The following EPS15 variants were observed in gnomAD, a reference collection of about 807,000 sequenced individuals.
EPS15 encodes epidermal growth factor receptor pathway substrate 15, also known as epidermal growth factor receptor substrate 15.
EPS15 carries 72 observed loss-of-function variants against 113.8 expected under a neutral mutation model. The ratio of observed to expected loss-of-function variants is 0.63; its 90% CI spans 0.52 to 0.77. The LOEUF is 0.77. EPS15 is among the 30% of genes least tolerant of loss of function. The pLI, the probability that EPS15 is intolerant of heterozygous loss-of-function variation, is 0.00. For synonymous variants in EPS15, 344 were observed against 363.4 expected, an observed-to-expected ratio of 0.95 and a Z score of 0.61; for missense variants, 1,048 against 1,045.8, an observed-to-expected ratio of 1.00 and a Z score of -0.03.
At chr1:51,397,580 A>G (rs989612986) in intron 20 of EPS15, among the ~76,000 whole-genome samples, 4 of 152,194 alleles carry the variant, frequency 2.6e-5, no homozygotes, top group East Asian at 1.9e-4. Flanking sequence ...ATGGGTCCAC[A>G]TTGCAAACTA....
chr1:51,518,946 G>A (rs1644785695), intron 1 of EPS15, among the ~76,000 whole-genome samples: 3 of 151,390 alleles, frequency 2.0e-5, no homozygotes, highest in Middle Eastern at 3.4e-3. Flanking sequence ...GCGGAGGGCG[G>A]CGAGGGCCGC....
chr1:51,515,922 T>G (rs1570466883), intron 1 of EPS15, among the ~76,000 whole-genome samples: 1 of 152,216 alleles, frequency 6.6e-6, no homozygotes, highest in East Asian at 1.9e-4. Context: ...ATTCCTGGCA[T>G]ATAGTAATTC....
intron 21 of EPS15, among the ~76,000 whole-genome samples, chr1:51,369,412 G>C (rs879443373): frequency 2.0e-5 from 3 of 152,154 alleles, no homozygotes; most frequent in Non-Finnish European, 4.4e-5. Flanking sequence ...AACCATGCAG[G>C]TGACTTTCTT....
intron 8 of EPS15, chr1:51,459,156 A>C (rs2148497039): frequency 6.6e-6 from 1 of 152,340 alleles, no homozygotes; most frequent in East Asian, 1.9e-4. Context: ...AATCTAAGGA[A>C]GGGCCAAAAA....
At chr1:51,402,180 A>G (rs1222839785) in intron 18 of EPS15, among the ~76,000 whole-genome samples, 1 of 150,654 alleles carries the variant, frequency 6.6e-6, no homozygotes, top group Non-Finnish European at 1.5e-5. Flanking sequence ...ACATACATAC[A>G]TACATACATA....
chr1:51,470,825 A>G (rs1186196565), intron 4 of EPS15, among the ~76,000 whole-genome samples: 1 of 152,160 alleles, frequency 6.6e-6, no homozygotes, highest in Non-Finnish European at 1.5e-5. Context: ...GACCACATCT[A>G]TCATGTTAAC....
chr1:51,468,398 T>C (rs1655003834), intron 5 of EPS15, 75 bp downstream of exon 5: 8 of 1,089,754 alleles, frequency 7.3e-6, no homozygotes, highest in South Asian at 1.3e-5. Flanking sequence ...TTTAATATAT[T>C]ACTTTTAATT....
chr1:51,388,735 C>A (rs547718038), intron 21 of EPS15, among the ~76,000 whole-genome samples: 2,928 of 152,252 alleles, frequency 0.019, 46 homozygotes, highest in Non-Finnish European at 0.031. Flanking sequence ...GGATAAATTC[C>A]TCGACACATA....
In EPS15 at chr1:51,361,273, G is replaced by T; in HGVS notation, c.2442C>A (p.Ser814Arg). The T allele has an allele frequency of 6.2e-7, 1 of 1,613,524 alleles. No individual in the cohort carries two copies. Among genetic ancestry groups the T allele is most frequent in the East Asian group, 2.2e-5 (1 of 44,870 alleles). ...DPFQPFPGND[S>R]PKEKDPEIFC... ...ATATTTCAGGATCTTTTTCTTTGGGGCTATCGTTGCCTGGGAAAGGCTGAA... is the reference window on the plus strand; with the variant it reads ...ATATTTCAGGATCTTTTTCTTTGGGTCTATCGTTGCCTGGGAAAGGCTGAA... Residue 814 changes from serine to arginine, a missense_variant, in exon 24 of 25, where the codon AGC (serine) becomes AGA (arginine). Transcript: ENST00000371733.
chr1:51,482,529 C>T (rs915674647), intron 1 of EPS15, among the ~76,000 whole-genome samples: 1 of 152,108 alleles, frequency 6.6e-6, no homozygotes, highest in East Asian at 1.9e-4. Context: ...TGGCGTGGCA[C>T]GATCTAGGCT....
At chr1:51,428,418 T>A (rs537878028) in intron 12 of EPS15, among the ~76,000 whole-genome samples, 1 of 152,274 alleles carries the variant, frequency 6.6e-6, no homozygotes, top group Admixed American at 6.5e-5. Context: ...GACAAATGCA[T>A]AAAAAAGAAT....
Position 51,357,426 on chromosome 1 carries a change from ATTTTTT to A in EPS15, c.2545-586_2545-581del, listed in dbSNP as rs570842498. Among the ~76,000 whole-genome samples, 21 of 53,532 alleles carry A rather than the reference ATTTTTT, an allele frequency of 3.9e-4. 1 individual carries two copies. Among genetic ancestry groups the A allele is most frequent in the African/African-American group, 1.3e-3 (14 of 10,372 alleles). 35.1% of individuals were successfully genotyped at this position (53,532 alleles called of 152,430 possible). On this transcript the variant is annotated intron_variant, in intron 24 of 24. Transcript: ENST00000371733. ...TATATATATATATATATATATATATATTTTTTTTTTTTAAATGTGATATATATATAT... is the reference window on the plus strand; with the variant it reads ...TATATATATATATATATATATATATATTTTTTAAATGTGATATATATATAT...
chr1:51,427,377 G>A (rs903111660), intron 12 of EPS15, among the ~76,000 whole-genome samples: 2 of 152,150 alleles, frequency 1.3e-5, no homozygotes, highest in Non-Finnish European at 2.9e-5. Flanking sequence ...TACTTAGGAG[G>A]TACATAAAAC....
chr1:51,363,007 A>G (rs1646421810), intron 23 of EPS15, among the ~76,000 whole-genome samples: 1 of 152,140 alleles, frequency 6.6e-6, no homozygotes, highest in Non-Finnish European at 1.5e-5. Context: ...ACTATTAGAA[A>G]AGAGTCTTGG....
rs755932459 is a variant in EPS15 at position 51,468,495 on chromosome 1, A to G, written c.287T>C (p.Leu96Pro). The G allele has an allele frequency of 3.7e-6, 6 of 1,611,176 alleles. No individual in the cohort carries two copies. In the East Asian group the frequency reaches 1.3e-4, roughly 36 times the overall value. ...TACAAATCTTGGTGGAGGAACAGCC[A>G]GGTTCAAACTACTTAGTGAAACTTC... is the stretch of plus-strand genomic sequence containing the variant. ...GLEVSLSSLN[L>P]AVPPPRFHDT... Residue 96 changes from leucine to proline, a missense_variant, in exon 5 of 25, where the codon CTG (leucine) becomes CCG (proline). Coordinates refer to ENST00000371733, the MANE Select transcript of EPS15 (RefSeq NM_001981.3).
chr1:51,470,646 CAAAAAAAAA>C (rs10616476), intron 4 of EPS15, among the ~76,000 whole-genome samples: 833 of 73,016 alleles, frequency 0.011, 11 homozygotes, highest in African/African-American at 0.035. Flanking sequence ...GGCTCTGTCT[CAAAAAAAAA>C]AAAAAAAAAA....
At chr1:51,458,181 G>A (rs1405435018) in intron 8 of EPS15, 1 of 152,076 alleles carries the variant, frequency 6.6e-6, no homozygotes, top group Admixed American at 6.6e-5. Context: ...AAGCAAATGT[G>A]ACAAAATGGT....
At position 51,356,296 on chromosome 1, in the gene EPS15, T is replaced by A. The variant is rs144646125; in HGVS notation, c.*404A>T. ...CTCAACCATTCCAATCAGGGGAGAATACTGCAAACTTTAAGAACCTCACTG... is the reference window on the plus strand; with the variant it reads ...CTCAACCATTCCAATCAGGGGAGAAAACTGCAAACTTTAAGAACCTCACTG... On this transcript the variant is annotated 3_prime_UTR_variant, in exon 25 of 25. Coordinates refer to ENST00000371733, the MANE Select transcript of EPS15 (RefSeq NM_001981.3). 4.4e-6 allele frequency: 1 copy of A among 227,956 alleles called. No homozygotes were observed. The highest frequency in any genetic ancestry group is 2.2e-5 in the African/African-American group (1 of 45,032). 14.1% of individuals were successfully genotyped at this position (227,956 alleles called of 1,614,324 possible). A position where few individuals can be genotyped will look rare whatever the true frequency, so the allele number is the denominator to read the frequency against.
intron 12 of EPS15, among the ~76,000 whole-genome samples, chr1:51,429,792 A>T (rs1557461253): frequency 6.6e-6 from 1 of 152,034 alleles, no homozygotes; most frequent in Non-Finnish European, 1.5e-5. Context: ...CTGGGATTAC[A>T]GGCATCCGCC....
Sources: allele counts gnomAD v4.1 joint callset (sites outside exome capture counted in the v4.1 genomes callset), GRCh38; gene constraint gnomAD v4.1.1; transcripts MANE v1.5; gene names NCBI Gene and HGNC (gene_info 2026-07-23, HGNC 2026-07-21).